The following KIAA0825 variants were observed in gnomAD, a reference collection of about 807,000 sequenced individuals.
The protein encoded by KIAA0825 is uncharacterized protein KIAA0825.
Under a neutral mutation model 147.6 loss-of-function variants are expected in KIAA0825, and 119 were observed. That is an observed-to-expected ratio of 0.81 (90% CI 0.69 to 0.94). The LOEUF (loss-of-function observed/expected upper bound fraction) is 0.94, where lower values mean the gene tolerates loss of function less well. KIAA0825 is among the 40% of genes least tolerant of loss of function. The pLI is 0.00. For missense variants in KIAA0825, 1,381 were observed against 1,472.7 expected, an observed-to-expected ratio of 0.94 and a Z score of 1.02; for synonymous variants, 470 against 518.1, an observed-to-expected ratio of 0.91 and a Z score of 1.26.
intron 20 of KIAA0825, among the ~76,000 whole-genome samples, chr5:94,210,846 CT>C (rs1448478745): frequency 3.9e-5 from 6 of 152,008 alleles, no homozygotes; most frequent in African/African-American, 1.2e-4. Flanking sequence ...ACAGCTTTGC[CT>C]GGAGTATAAT....
At chr5:94,348,585 T>C (rs1783275044) in intron 20 of KIAA0825, among the ~76,000 whole-genome samples, 1 of 151,872 alleles carries the variant, frequency 6.6e-6, no homozygotes, top group Admixed American at 6.6e-5. Flanking sequence ...ACCTAGCACA[T>C]AGGACTCACA....
At chr5:94,158,936 T>C (rs1194734994) in intron 20 of KIAA0825, among the ~76,000 whole-genome samples, 1 of 152,206 alleles carries the variant, frequency 6.6e-6, no homozygotes, top group Non-Finnish European at 1.5e-5. Context: ...TTATTTGGCA[T>C]ATTGGTTAAG....
At chr5:94,314,813 G>A (rs549120558) in intron 20 of KIAA0825, among the ~76,000 whole-genome samples, 2 of 151,446 alleles carry the variant, frequency 1.3e-5, no homozygotes, top group African/African-American at 2.4e-5. Flanking sequence ...CCAAAAGGCC[G>A]GCGTGTATAT....
intron 14 of KIAA0825, among the ~76,000 whole-genome samples, chr5:94,432,977 C>A (rs1755882040): frequency 2.0e-5 from 3 of 152,090 alleles, no homozygotes; most frequent in Admixed American, 2.0e-4. Flanking sequence ...CCTGAAAGAC[C>A]AAGAAAATAT....
chr5:94,396,584 G>A (rs1343061529), intron 16 of KIAA0825, 75 bp from the exon 17 acceptor site: 5 of 1,207,706 alleles, frequency 4.1e-6, no homozygotes, highest in East Asian at 2.8e-5. Flanking sequence ...TGTTGTATAA[G>A]GATGTCTAAT....
chr5:94,441,859 CT>C (rs1562500210), intron 13 of KIAA0825, among the ~76,000 whole-genome samples: 1 of 152,204 alleles, frequency 6.6e-6, no homozygotes, highest in Non-Finnish European at 1.5e-5. Context: ...CCTACTCTTC[CT>C]TTAATTTGCA....
chr5:94,588,465 A>C (rs1401077055), intron 1 of KIAA0825, among the ~76,000 whole-genome samples: 1 of 152,228 alleles, frequency 6.6e-6, no homozygotes, highest in Non-Finnish European at 1.5e-5. Context: ...CATCAGAAAA[A>C]TGCAAATCAA....
chr5:94,571,171 CACA>C (rs1373470844), intron 2 of KIAA0825, among the ~76,000 whole-genome samples: 2 of 152,054 alleles, frequency 1.3e-5, no homozygotes, highest in Non-Finnish European at 2.9e-5. Flanking sequence ...TGTTGTGTTC[CACA>C]ACAATATATT....
At chr5:94,265,426 T>C (rs1490743788) in intron 20 of KIAA0825, among the ~76,000 whole-genome samples, 1 of 152,220 alleles carries the variant, frequency 6.6e-6, no homozygotes, top group Non-Finnish European at 1.5e-5. Flanking sequence ...AAATCGCTGA[T>C]GCCTTTGCAG....
At chr5:94,603,804 G>C (rs6876291) in intron 1 of KIAA0825, among the ~76,000 whole-genome samples, 1,827 of 152,146 alleles carry the variant, frequency 0.012, 34 homozygotes, top group African/African-American at 0.042. Context: ...GACTTCAAAC[G>C]AACAAAGATT....
At chr5:94,243,664 T>TTC (rs1287867467) in intron 20 of KIAA0825, among the ~76,000 whole-genome samples, 1 of 152,160 alleles carries the variant, frequency 6.6e-6, no homozygotes, top group Non-Finnish European at 1.5e-5. Flanking sequence ...CATAAAATCT[T>TTC]AGAGTGTTTC....
chr5:94,224,619 G>A (rs1448857784), intron 20 of KIAA0825, among the ~76,000 whole-genome samples: 2 of 152,094 alleles, frequency 1.3e-5, no homozygotes, highest in Non-Finnish European at 2.9e-5. Context: ...TGATAATTAA[G>A]GATTCGTTGT....
chr5:94,379,526 G>T (rs889208262), intron 20 of KIAA0825, among the ~76,000 whole-genome samples: 2 of 152,116 alleles, frequency 1.3e-5, no homozygotes, highest in Admixed American at 6.5e-5. Flanking sequence ...CTTGAAGTCA[G>T]GTAACATGAT....
intron 20 of KIAA0825, among the ~76,000 whole-genome samples, chr5:94,238,558 G>C (rs2150100102): frequency 1.3e-5 from 2 of 152,244 alleles, no homozygotes; most frequent in South Asian, 4.1e-4. Flanking sequence ...TCATGGCTAT[G>C]TCCCTGACAA....
intron 20 of KIAA0825, among the ~76,000 whole-genome samples, chr5:94,258,306 C>A (rs77495849): frequency 6.6e-6 from 1 of 151,994 alleles, no homozygotes; most frequent in African/African-American, 2.4e-5. Flanking sequence ...AGAGTCAAGA[C>A]GCCTTCTGTT....
chr5:94,491,506 G>T (rs1763727951), intron 5 of KIAA0825, among the ~76,000 whole-genome samples: 1 of 152,114 alleles, frequency 6.6e-6, no homozygotes, highest in Non-Finnish European at 1.5e-5. Context: ...TGGAGCCACA[G>T]CAGGGGAAAG....
At chr5:94,166,507 T>G (rs1416314770) in intron 20 of KIAA0825, among the ~76,000 whole-genome samples, 1 of 138,672 alleles carries the variant, frequency 7.2e-6, no homozygotes, top group African/African-American at 2.9e-5. Context: ...CTTGGTTGTT[T>G]TTTTTTTTTT....
At chr5:94,304,698 A>T (rs1254922295) in intron 20 of KIAA0825, among the ~76,000 whole-genome samples, 1 of 152,054 alleles carries the variant, frequency 6.6e-6, no homozygotes, top group Non-Finnish European at 1.5e-5. Context: ...CTCAGAGGAA[A>T]TAAATTTTTT....
At chr5:94,424,335 G>T in intron 14 of KIAA0825, among the ~76,000 whole-genome samples, 1 of 151,718 alleles carries the variant, frequency 6.6e-6, no homozygotes, top group Non-Finnish European at 1.5e-5. Flanking sequence ...TCATAACAAA[G>T]GAATAAAACT....
Sources: gnomAD v4.1 joint callset for allele counts (sites outside exome capture counted in the v4.1 genomes callset) on GRCh38, gnomAD v4.1.1 for gene constraint, MANE v1.5 for transcripts, NCBI Gene and HGNC (gene_info 2026-07-23, HGNC 2026-07-21) for gene names.